TMEM132B: variants seen among roughly 807,000 people sequenced by gnomAD.
The protein encoded by TMEM132B is transmembrane protein 132B.
A neutral mutation model predicts 90.8 loss-of-function variants in TMEM132B; 18 were observed. The observed-to-expected ratio is 0.20, with a 90% CI of 0.14 to 0.29. The LOEUF (loss-of-function observed/expected upper bound fraction) is 0.29, where lower values mean the gene tolerates loss of function less well. TMEM132B is among the 10% of genes least tolerant of loss of function. TMEM132B has a pLI of 1.00. For synonymous variants in TMEM132B, 504 were observed against 523.3 expected, an observed-to-expected ratio of 0.96 and a Z score of 0.50; for missense variants, 1,096 against 1,326.8, an observed-to-expected ratio of 0.83 and a Z score of 2.70.
chr12:125,316,690 C>T (rs1162824435), intron 1 of TMEM132B, among the ~76,000 whole-genome samples: 1 of 145,666 alleles, frequency 6.9e-6, no homozygotes, highest in Non-Finnish European at 1.5e-5. Context: ...GAAGAGGGGG[C>T]AGGAAGTGCA....
intron 2 of TMEM132B, among the ~76,000 whole-genome samples, chr12:125,391,729 C>T (rs1325101151): frequency 6.6e-6 from 1 of 152,174 alleles, no homozygotes; most frequent in African/African-American, 2.4e-5. Flanking sequence ...AGTACAAAAC[C>T]TCAGGAGGGA....
intron 5 of TMEM132B, among the ~76,000 whole-genome samples, chr12:125,597,059 G>A (rs1336834314): frequency 6.6e-6 from 1 of 152,100 alleles, no homozygotes. Flanking sequence ...TGGGAGAGAT[G>A]GGACTTTGGC....
chr12:125,276,333 T>A (rs1874985884), intron 1 of TMEM132B, among the ~76,000 whole-genome samples: 1 of 152,184 alleles, frequency 6.6e-6, no homozygotes, highest in South Asian at 2.1e-4. Context: ...TCTCTGAGCA[T>A]TTTTCAGCCA....
intron 3 of TMEM132B, among the ~76,000 whole-genome samples, chr12:125,488,410 T>C (rs1882254394): frequency 6.6e-6 from 1 of 152,226 alleles, no homozygotes; most frequent in African/African-American, 2.4e-5. Context: ...TCATCTTGAA[T>C]TATAACCCTC....
chr12:125,210,392 C>T (rs750485361), intron 1 of TMEM132B, among the ~76,000 whole-genome samples: 9 of 152,074 alleles, frequency 5.9e-5, no homozygotes, highest in African/African-American at 1.9e-4. Context: ...TGTGGACTGC[C>T]GATGAGGGTG....
chr12:125,632,468 CTTACTA>C (rs971184261), intron 5 of TMEM132B, among the ~76,000 whole-genome samples: 2 of 152,012 alleles, frequency 1.3e-5, no homozygotes, highest in Admixed American at 1.3e-4. Flanking sequence ...TTTCTGTGTC[CTTACTA>C]TTACTAGTGA....
chr12:125,391,039 T>TTGTGTG (rs776555734), intron 2 of TMEM132B, among the ~76,000 whole-genome samples: 1 of 143,536 alleles, frequency 7.0e-6, no homozygotes, highest in African/African-American at 2.6e-5. Context: ...TACTAAAGAA[T>TTGTGTG]AGTGTGTGTG....
intron 1 of TMEM132B, among the ~76,000 whole-genome samples, chr12:125,202,582 C>T (rs1164799628): frequency 1.3e-5 from 2 of 152,248 alleles, no homozygotes; most frequent in Admixed American, 6.5e-5. Flanking sequence ...CAGTTCCTGT[C>T]CCTGGGGCCC....
intron 4 of TMEM132B, among the ~76,000 whole-genome samples, chr12:125,555,529 C>T (rs2136775093): frequency 7.9e-6 from 1 of 126,440 alleles, no homozygotes; most frequent in South Asian, 2.5e-4. Context: ...AGGTTAAGTG[C>T]AGGAATAATA....
At chr12:125,558,420 A>T (rs1215353845) in intron 4 of TMEM132B, among the ~76,000 whole-genome samples, 1 of 152,204 alleles carries the variant, frequency 6.6e-6, no homozygotes, top group Non-Finnish European at 1.5e-5. Context: ...GGGGAGAAAC[A>T]TGGGTAGAAG....
intron 3 of TMEM132B, among the ~76,000 whole-genome samples, chr12:125,476,467 C>T (rs1259042951): frequency 6.6e-6 from 1 of 152,182 alleles, no homozygotes; most frequent in Non-Finnish European, 1.5e-5. Flanking sequence ...GGGATCAGAA[C>T]TTCATTCCTT....
chr12:125,412,621 G>T (rs896287408), intron 2 of TMEM132B, among the ~76,000 whole-genome samples: 16 of 152,180 alleles, frequency 1.1e-4, no homozygotes, highest in African/African-American at 2.9e-4. Flanking sequence ...ACGGTGACAG[G>T]CCTGGCCACA....
chr12:125,621,359 G>A (rs1156707768), intron 5 of TMEM132B, among the ~76,000 whole-genome samples: 1 of 152,098 alleles, frequency 6.6e-6, no homozygotes, highest in African/African-American at 2.4e-5. Flanking sequence ...ATAAAAGCAA[G>A]GTGAATGTAA....
chr12:125,435,880 G>A (rs1880685043), intron 3 of TMEM132B, among the ~76,000 whole-genome samples: 1 of 152,018 alleles, frequency 6.6e-6, no homozygotes. Flanking sequence ...AACCAGGGCA[G>A]CAGGGAGGCC....
intron 5 of TMEM132B, among the ~76,000 whole-genome samples, chr12:125,603,495 A>G (rs1885617393): frequency 2.0e-5 from 3 of 152,132 alleles, no homozygotes; most frequent in Non-Finnish European, 4.4e-5. Context: ...AACCATAAAA[A>G]CCCCACAAGA....
At position 125,445,603 on chromosome 12, in the gene TMEM132B, C is replaced by A. The variant is rs1880984907; in HGVS notation, c.1106+29926C>A. Among the ~76,000 whole-genome samples, 1 of 152,168 alleles carries A rather than the reference C, an allele frequency of 6.6e-6. No homozygotes were observed. The highest frequency in any genetic ancestry group is 2.4e-5 in the African/African-American group (1 of 41,432). ...CTGCAGTGGTGCATGGGCAGGACAT[C>A]CAGTGTTAGTCACTCCACCCCAGCT... On this transcript the variant is annotated intron_variant, in intron 3 of 8. Transcript: ENST00000682704. This position sits in a 1 kb window ranked among gnomAD's most constrained non-coding sequence, Gnocchi z 4.3.
At chr12:125,287,876 T>A (rs1875406109) in intron 1 of TMEM132B, among the ~76,000 whole-genome samples, 1 of 152,112 alleles carries the variant, frequency 6.6e-6, no homozygotes, top group Non-Finnish European at 1.5e-5. Flanking sequence ...TCCCTTTCTG[T>A]CTTTTTTTTG....
chr12:125,622,168 G>A (rs1283031100), intron 5 of TMEM132B, among the ~76,000 whole-genome samples: 5 of 152,104 alleles, frequency 3.3e-5, no homozygotes, highest in African/African-American at 1.2e-4. Context: ...CAGGGATTTA[G>A]TTGTTGAGTT....
intron 2 of TMEM132B, among the ~76,000 whole-genome samples, chr12:125,361,586 C>A (rs1369247744): frequency 6.6e-6 from 1 of 152,194 alleles, no homozygotes; most frequent in African/African-American, 2.4e-5. Context: ...AACCTTGGAG[C>A]CCAGATCAAG....
Sources: gnomAD v4.1 joint callset for allele counts (sites outside exome capture counted in the v4.1 genomes callset) on GRCh38, gnomAD v4.1.1 for gene constraint, Gnocchi (gnomAD v3.1) non-coding constraint, MANE v1.5 for transcripts, NCBI Gene and HGNC (gene_info 2026-07-23, HGNC 2026-07-21) for gene names.